The following MYOF variants were observed in gnomAD, a reference collection of about 807,000 sequenced individuals.
The protein encoded by MYOF is fer-1-like 3, myoferlin.
A neutral mutation model predicts 284.2 loss-of-function variants in MYOF; 244 were observed. The observed-to-expected ratio is 0.86, with a 90% CI of 0.77 to 0.95. MYOF has a LOEUF of 0.95. Ranked by LOEUF, MYOF falls within the 40% of genes least tolerant of loss-of-function variation. MYOF has a pLI of 0.00. For missense variants in MYOF, 2,496 were observed against 2,560.6 expected (o/e 0.97, Z 0.54); for synonymous variants, 904 against 919.7 (o/e 0.98, Z 0.31).
At chr10:93,314,111 C>CT (rs1216279046) in intron 50 of MYOF, among the ~76,000 whole-genome samples, 9 of 152,174 alleles carry the variant, frequency 5.9e-5, no homozygotes, top group African/African-American at 1.2e-4. Flanking sequence ...CTTTTTGAGA[C>CT]TGAGTCTCTC....
intron 16 of MYOF, among the ~76,000 whole-genome samples, chr10:93,394,074 T>C (rs1480775180): frequency 1.3e-5 from 2 of 152,148 alleles, no homozygotes; most frequent in Admixed American, 1.3e-4. Flanking sequence ...CTTAAAATAA[T>C]GCCACATATA....
At chr10:93,339,367 T>TTGTGTGTGTGTGTGTGTGTGTG in intron 39 of MYOF, among the ~76,000 whole-genome samples, 1 of 150,226 alleles carries the variant, frequency 6.7e-6, no homozygotes. Flanking sequence ...TGCTTCTTAT[T>TTGTGTGTGTGTGTGTGTGTGTG]TGTGTGTGTG....
Position 93,364,014 on chromosome 10 carries a change from T to A in MYOF, c.2815A>T (p.Ser939Cys). 6.2e-7 allele frequency: 1 copy of A among 1,614,138 alleles called. No individual in the cohort carries two copies. The highest frequency in any genetic ancestry group is 1.6e-4 in the Middle Eastern group (1 of 6,062). The change falls in exon 27 of 54, where the codon AGC becomes TGC. Residue 939 changes from serine (S) to cysteine (C), a missense_variant. Transcript: ENST00000359263. ...TTCCAGTCGCCCCCGGGGTAGCGGC[T>A]CTCGTTCTGATAGACTTCATCAGTG... ...EFTDEVYQNE[S>C]RYPGGDWKPA...
intron 19 of MYOF, among the ~76,000 whole-genome samples, chr10:93,384,303 C>T (rs1564670147): frequency 1.3e-5 from 2 of 152,162 alleles, no homozygotes; most frequent in African/African-American, 4.8e-5. Context: ...CAGAGAAGTA[C>T]AGAGCCTGGG....
rs1191834719 is a variant in MYOF at position 93,328,809 on chromosome 10, C to A, written c.5085G>T (p.Gly1695=). The A allele has an allele frequency of 6.2e-7, 1 of 1,613,644 alleles. No homozygotes were observed. The highest frequency in any genetic ancestry group is 2.2e-5 in the East Asian group (1 of 44,884). ...GFPQPILSED[G]SRIRYGGRDY... ...CTCGTCCTCCATATCTGATTCTACT[C>A]CCATCTTCGGAAAGGATGGGTTGTG... is the stretch of plus-strand genomic sequence containing the variant. Residue 1695 remains glycine, a synonymous_variant, in exon 45 of 54, where the codon GGG becomes GGT. Transcript: ENST00000359263.
intron 45 of MYOF, 128 bp from the exon 46 acceptor site, chr10:93,326,093 C>T: frequency 8.2e-7 from 1 of 1,214,390 alleles, no homozygotes; most frequent in Non-Finnish European, 1.2e-6. Flanking sequence ...AACATGCAAA[C>T]TTTGACTTGT....
At chr10:93,442,705 T>C (rs1236430972) in intron 3 of MYOF, among the ~76,000 whole-genome samples, 1 of 152,236 alleles carries the variant, frequency 6.6e-6, no homozygotes, top group Non-Finnish European at 1.5e-5. Context: ...GCAGAAAGAA[T>C]ACTAGACATG....
At chr10:93,427,116 G>T (rs1431232824) in intron 4 of MYOF, among the ~76,000 whole-genome samples, 1 of 150,888 alleles carries the variant, frequency 6.6e-6, no homozygotes, top group Non-Finnish European at 1.5e-5. Context: ...TCGATCTCCT[G>T]ACCACGTGAT....
intron 53 of MYOF, among the ~76,000 whole-genome samples, chr10:93,307,255 G>C (rs1842148641): frequency 6.6e-6 from 1 of 151,870 alleles, no homozygotes; most frequent in African/African-American, 2.4e-5. Context: ...TGGGGGTGGG[G>C]AGCAAAAATC....
chr10:93,363,996 C>A lies in MYOF; in HGVS notation c.2833G>T (p.Asp945Tyr). 1 of 1,614,168 alleles carries A rather than the reference C, an allele frequency of 6.2e-7. No individual in the cohort carries two copies. Among genetic ancestry groups the A allele is most frequent in the Non-Finnish European group, 8.5e-7 (1 of 1,180,034 alleles). Reference protein sequence around the residue: ...YQNESRYPGGDWKPAEDTYTD... With the variant: ...YQNESRYPGGYWKPAEDTYTD... ...TAGGTGTCCTCGGCCGGCTTCCAGT[C>A]GCCCCCGGGGTAGCGGCTCTCGTTC... The change falls in exon 27 of 54, where the codon GAC becomes TAC. Residue 945 changes from aspartate (D) to tyrosine (Y), a missense_variant. Around this residue, in one of 3 missense-constraint regions of MYOF, gnomAD observed 2,436 missense variants for 2,480.7 expected, o/e 0.98. Transcript: ENST00000359263.
At chr10:93,364,414 G>T (rs540616810) in intron 26 of MYOF, among the ~76,000 whole-genome samples, 1 of 152,206 alleles carries the variant, frequency 6.6e-6, no homozygotes, top group Admixed American at 6.5e-5. Flanking sequence ...TTCTGTTTCA[G>T]TTCCGGGCTG....
intron 26 of MYOF, among the ~76,000 whole-genome samples, chr10:93,365,219 C>G (rs959875769): frequency 6.6e-6 from 1 of 152,208 alleles, no homozygotes. Context: ...AAATGAACAA[C>G]AGAGAGACCA....
At chr10:93,474,438 A>T (rs1006451221) in intron 1 of MYOF, among the ~76,000 whole-genome samples, 8 of 152,082 alleles carry the variant, frequency 5.3e-5, no homozygotes, top group African/African-American at 9.7e-5. Flanking sequence ...AAGCCAAATG[A>T]CACTTTCTCC....
At chr10:93,327,167 C>G (rs787686) in intron 45 of MYOF, among the ~76,000 whole-genome samples, 150,186 of 152,122 alleles carry the variant, frequency 0.99, 74,187 homozygotes, top group East Asian at 1. Flanking sequence ...TCTGCAGTCT[C>G]CCCTGCTGGA....
intron 46 of MYOF, among the ~76,000 whole-genome samples, chr10:93,325,311 G>C (rs951159995): frequency 6.6e-6 from 1 of 152,148 alleles, no homozygotes; most frequent in African/African-American, 2.4e-5. Flanking sequence ...CTATCCACAT[G>C]GTCCTCGCCT....
At chr10:93,424,820 C>T (rs534442747) in intron 5 of MYOF, among the ~76,000 whole-genome samples, 3 of 151,412 alleles carry the variant, frequency 2.0e-5, no homozygotes, top group South Asian at 2.1e-4. Context: ...AGTGAACCCT[C>T]GGGCGGCCGG....
At chr10:93,439,038 C>A (rs1261385691) in intron 3 of MYOF, among the ~76,000 whole-genome samples, 2 of 152,210 alleles carry the variant, frequency 1.3e-5, no homozygotes, top group East Asian at 3.9e-4. Flanking sequence ...CTACTTTTAG[C>A]TCACTCCACG....
chr10:93,383,746 G>A (rs1846231147), intron 19 of MYOF, among the ~76,000 whole-genome samples: 1 of 152,158 alleles, frequency 6.6e-6, no homozygotes, highest in Non-Finnish European at 1.5e-5. Context: ...AACATAATTT[G>A]TGGCCTGAGT....
intron 45 of MYOF, among the ~76,000 whole-genome samples, 181 bp downstream of exon 45, chr10:93,328,582 G>A (rs2133793822): frequency 6.6e-6 from 1 of 152,346 alleles, no homozygotes; most frequent in Non-Finnish European, 1.5e-5. Flanking sequence ...ACAAGAAAAT[G>A]TGTCCACTTT....
Sources: allele counts gnomAD v4.1 joint callset (sites outside exome capture counted in the v4.1 genomes callset), GRCh38; gene constraint gnomAD v4.1.1; regional missense constraint gnomAD v4.1.1; transcripts MANE v1.5; gene names NCBI Gene and HGNC (gene_info 2026-07-23, HGNC 2026-07-21).